Variants in PTGIS observed in about 807,000 individuals in gnomAD.
PTGIS encodes the protein prostaglandin I2 synthase.
PTGIS carries 45 observed loss-of-function variants against 50.3 expected under a neutral mutation model. That is an observed-to-expected ratio of 0.90 (90% CI 0.70 to 1.15). The LOEUF (loss-of-function observed/expected upper bound fraction) is 1.15. PTGIS is among the 50% of genes most tolerant of loss of function. PTGIS has a pLI of 0.00. For synonymous variants in PTGIS, 260 were observed against 267.7 expected (o/e 0.97, Z 0.28); for missense variants, 668 against 661.3 (o/e 1.01, Z -0.11).
Position 49,511,008 on chromosome 20 carries a change from T to C in PTGIS, c.1358+20A>G. 1.2e-6 allele frequency: 2 copies of C among 1,611,144 alleles called. No individual in the cohort carries two copies. The highest frequency in any genetic ancestry group is 1.7e-6 in the Non-Finnish European group (2 of 1,178,538). On this transcript the variant is annotated intron_variant, in intron 9 of 9. Coordinates refer to ENST00000244043, the MANE Select transcript of PTGIS (RefSeq NM_000961.4). The stretch of plus-strand genomic sequence containing the variant: ...AGGGGATCAGGAGCCACCCTGGCCC[T>C]GCCCTGGCCCCCCACTCACTGTTTG...
chr20:49,505,569 G>T lies in PTGIS; in HGVS notation c.*2351C>A, dbSNP rs542130777. 7.9e-5 allele frequency: 12 copies of T among 152,622 alleles called. No homozygotes were observed. Among genetic ancestry groups the T allele is most frequent in the African/African-American group, 2.9e-4 (12 of 41,440 alleles). The allele number at this position is 152,622 out of a possible 1,614,324, so 9.5% of individuals were successfully genotyped here. On this transcript the variant is annotated 3_prime_UTR_variant, in exon 10 of 10. Transcript: ENST00000244043. ...GTGACAACCCAGCCTGATTTGGAAG[G>T]GGGGAGTCATAAGGGTTTTCGCCCA...
intron 5 of PTGIS, among the ~76,000 whole-genome samples, chr20:49,536,628 C>G (rs1328032069): frequency 2.0e-5 from 3 of 151,726 alleles, no homozygotes; most frequent in East Asian, 1.9e-4. Flanking sequence ...TTACAGGCGC[C>G]CACCACCACG....
chr20:49,523,248 T>TAC (rs932598064), intron 6 of PTGIS, among the ~76,000 whole-genome samples: 4 of 152,088 alleles, frequency 2.6e-5, no homozygotes, highest in African/African-American at 9.7e-5. Context: ...TGTTCTTGCT[T>TAC]ACACTCAAGC....
rs892989248 is a variant in PTGIS at position 49,507,653 on chromosome 20, G to A, written c.*267C>T. ...AGCATTTGTGGATATCACGAGGTGA[G>A]AGTAACGAGGTGAATTGGGAGCAGA... is the stretch of plus-strand genomic sequence containing the variant. On this transcript the variant is annotated 3_prime_UTR_variant, in exon 10 of 10. Coordinates refer to ENST00000244043, the MANE Select transcript of PTGIS (RefSeq NM_000961.4). 5.0e-5 allele frequency: 27 copies of A among 538,098 alleles called. No homozygotes were observed. In the Admixed American group the frequency reaches 6.2e-4, roughly 12 times the overall value. The allele number at this position is 538,098 out of a possible 1,614,324, so 33.3% of individuals were successfully genotyped here.
chr20:49,538,861 T>C (rs1049679275), intron 5 of PTGIS, among the ~76,000 whole-genome samples: 4 of 151,854 alleles, frequency 2.6e-5, no homozygotes, highest in African/African-American at 7.3e-5. Flanking sequence ...TTTGTATTTT[T>C]AGTAGAGATG....
rs752344084 is a variant in PTGIS, at chr20:49,539,651, CG to C, written c.591del (p.Val198SerfsTer138). Reference protein sequence around the residue: ...PRTHESQAQDRVHSADVFHTF... With the variant: ...PRTHESQAQDXVHSADVFHTF... ...GTGTGGAAGACATCAGCTGAGTGGA[CG>C]CGGTCCTGGGCCTGGCTTTCATGGG... On this transcript the variant is annotated frameshift_variant, in exon 5 of 10. Coordinates refer to ENST00000244043, the MANE Select transcript of PTGIS (RefSeq NM_000961.4). LOFTEE classifies it high-confidence loss of function. 6.2e-7 allele frequency: 1 copy of C among 1,613,916 alleles called. No homozygotes were observed. The highest frequency in any genetic ancestry group is 1.1e-5 in the South Asian group (1 of 90,996).
At chr20:49,542,358 G>A (rs912636658) in intron 4 of PTGIS, among the ~76,000 whole-genome samples, 4 of 152,236 alleles carry the variant, frequency 2.6e-5, no homozygotes, top group African/African-American at 4.8e-5. Flanking sequence ...ATTGATGGCA[G>A]TGGAAAGGCC....
At chr20:49,549,681 AGATATAAG>A (rs1982454852) in intron 2 of PTGIS, among the ~76,000 whole-genome samples, 1 of 152,220 alleles carries the variant, frequency 6.6e-6, no homozygotes, top group Non-Finnish European at 1.5e-5. Flanking sequence ...AATGCTGAGT[AGATATAAG>A]GATGGAAGGA....
intron 1 of PTGIS, among the ~76,000 whole-genome samples, chr20:49,551,744 A>ATG (rs756782313): frequency 6.8e-6 from 1 of 148,076 alleles, no homozygotes; most frequent in Non-Finnish European, 1.5e-5. Flanking sequence ...GTGTTTATGT[A>ATG]TGTGTGTGTG....
In PTGIS at chr20:49,550,160, C is replaced by T; in HGVS notation, c.104G>A (p.Gly35Asp). 6.2e-7 allele frequency: 1 copy of T among 1,613,802 alleles called. No homozygotes were observed. The highest frequency in any genetic ancestry group is 8.5e-7 in the Non-Finnish European group (1 of 1,180,026). ...GGCATACCCCAACCAGGGGATGCTG[C>T]CCAGGTCCAGGGGAGGCTCACCAGG... ...RRPGEPPLDL[G>D]SIPWLGYALD... Residue 35 changes from glycine (G) to aspartate (D), a missense_variant, in exon 2 of 10, where the codon GGC becomes GAC. Transcript: ENST00000244043.
chr20:49,542,442 G>A (rs574784504), intron 4 of PTGIS, among the ~76,000 whole-genome samples: 4 of 152,342 alleles, frequency 2.6e-5, no homozygotes, highest in East Asian at 3.9e-4. Context: ...CCGGGTTACA[G>A]GTATGGATTT....
rs1452699028 is a variant in PTGIS, at chr20:49,568,070, A to G, written c.47T>C (p.Leu16Pro). The change falls in exon 1 of 10, where the codon CTG becomes CCG. Residue 16 changes from leucine (L) to proline (P), a missense_variant. Leu to Pro is a moderately conservative substitution (Grantham distance 98). Transcript: ENST00000244043. Reference protein sequence around the residue: ...LLGLLAALLLLLLLSRRRTRR... With the variant: ...LLGLLAALLLPLLLSRRRTRR... ...CGTGCGGCGGCGGCTCAGTAGCAGC[A>G]GCAGCAACAGTGCGGCCAGGAGGCC... The G allele has an allele frequency of 4.4e-5, 65 of 1,479,492 alleles. No homozygotes were observed. The highest frequency in any genetic ancestry group is 5.7e-5 in the Non-Finnish European group (64 of 1,122,086). 91.6% of individuals were successfully genotyped at this position (1,479,492 alleles called of 1,614,324 possible). A position where few individuals can be genotyped will look rare whatever the true frequency, so the allele number is the denominator to read the frequency against.
chr20:49,565,395 G>A (rs1035848508), intron 1 of PTGIS, among the ~76,000 whole-genome samples: 11 of 152,188 alleles, frequency 7.2e-5, no homozygotes, highest in Admixed American at 5.2e-4. Context: ...AAAGCCAGGC[G>A]TGGTGGTTCA....
At position 49,524,195 on chromosome 20, in the gene PTGIS, G is replaced by C; in HGVS notation, c.718C>G (p.Leu240Val). 1 of 1,614,210 alleles carries C rather than the reference G, an allele frequency of 6.2e-7. No individual in the cohort carries two copies. Among genetic ancestry groups the C allele is most frequent in the Non-Finnish European group, 8.5e-7 (1 of 1,180,036 alleles). ...MCSVKSRLWK[L>V]LSPARLARRA... is the part of the protein sequence containing the mutation. ...CTGGCCAGCCTGGCTGGGGATAGCA[G>C]CTTCCACAGGCGACTTTTGACACTG... Residue 240 changes from leucine to valine, a missense_variant, in exon 6 of 10, where the codon CTG becomes GTG. Physicochemically the swap from Leu to Val is conservative, Grantham distance 32. Coordinates refer to ENST00000244043, the MANE Select transcript of PTGIS (RefSeq NM_000961.4).
chr20:49,557,457 T>G (rs1982646178), intron 1 of PTGIS, among the ~76,000 whole-genome samples: 1 of 151,104 alleles, frequency 6.6e-6, no homozygotes, highest in Admixed American at 6.6e-5. Flanking sequence ...CCCAGCATGG[T>G]AGCACATGTC....
At chr20:49,511,252 T>C in intron 8 of PTGIS, 73 bp from the exon 9 acceptor site, 1 of 1,562,302 alleles carries the variant, frequency 6.4e-7, no homozygotes. Context: ...TGTATGAGGA[T>C]GTTCATGACA....
rs116718329 is a variant in PTGIS at position 49,525,104 on chromosome 20, A to G, written c.674-865T>C. 9.6e-3 allele frequency among the ~76,000 whole-genome samples: 1,463 copies of G among 152,192 alleles called. 22 individuals are homozygous for G. The highest frequency in any genetic ancestry group is 0.034 in the African/African-American group (1,392 of 41,504). ...CAATCACAGAAAGACATCAGCAACAACCTAACTGGCAGATTGGGCTGGAGT... is the reference window on the plus strand; with the variant it reads ...CAATCACAGAAAGACATCAGCAACAGCCTAACTGGCAGATTGGGCTGGAGT... On this transcript the variant is annotated intron_variant, in intron 5 of 9. Transcript: ENST00000244043.
rs754930088 is a variant in PTGIS at position 49,524,067 on chromosome 20, C to T, written c.846G>A (p.Trp282Ter). The T allele has an allele frequency of 1.9e-6, 3 of 1,614,252 alleles. No homozygotes were observed. Among genetic ancestry groups the T allele is most frequent in the South Asian group, 2.2e-5 (2 of 91,086 alleles). Reference protein sequence around the residue: ...MQARALVLQLWATQGNMGPAA... With the variant: ...MQARALVLQL ...GCACATTCACACCCACCTGTGTGGC[C>T]CACAGCTGCAGCACCAGGGCCCGTG... Residue 282 changes from tryptophan (W) to a stop codon, truncating the protein, a stop_gained, in exon 6 of 10, where the codon TGG becomes TGA. Coordinates refer to ENST00000244043, the MANE Select transcript of PTGIS (RefSeq NM_000961.4). LOFTEE classifies it high-confidence loss of function.
intron 9 of PTGIS, among the ~76,000 whole-genome samples, chr20:49,509,887 T>C (rs1228224820): frequency 1.4e-4 from 17 of 117,800 alleles, no homozygotes; most frequent in African/African-American, 4.1e-4. Flanking sequence ...CTTTCTTTTT[T>C]TTTTTTTTTT....
Sources: allele counts gnomAD v4.1 joint callset (sites outside exome capture counted in the v4.1 genomes callset), GRCh38; gene constraint gnomAD v4.1.1; transcripts MANE v1.5; gene names NCBI Gene and HGNC (gene_info 2026-07-23, HGNC 2026-07-21).